FAT3: variants seen among roughly 807,000 people sequenced by gnomAD.
FAT3 encodes FAT atypical cadherin 3, also known as protocadherin Fat 3.
Under a neutral mutation model 310.2 loss-of-function variants are expected in FAT3, and 95 were observed. The observed-to-expected ratio is 0.31, with a 90% confidence interval of 0.26 to 0.36. The LOEUF is 0.36. FAT3 is among the 10% of genes least tolerant of loss of function. The pLI, the probability that FAT3 is intolerant of heterozygous loss-of-function variation, is 1.00. For missense variants in FAT3, 5,408 were observed against 5,715.6 expected (o/e 0.95, Z 1.74); for synonymous variants, 2,314 against 2,192.9 (o/e 1.06, Z -1.54).
intron 13 of FAT3, among the ~76,000 whole-genome samples, chr11:92,820,044 G>A (rs1268516942): frequency 6.6e-6 from 1 of 152,210 alleles, no homozygotes; most frequent in East Asian, 1.9e-4. Context: ...TATAGCAGAA[G>A]TGATGATATC....
At chr11:92,509,530 CAT>C (rs1415953243) in intron 2 of FAT3, among the ~76,000 whole-genome samples, 2 of 152,128 alleles carry the variant, frequency 1.3e-5, no homozygotes, top group African/African-American at 2.4e-5. Context: ...TTGAGCACCT[CAT>C]GTGTGTGTGC....
chr11:92,542,738 A>T (rs1954491682), intron 3 of FAT3, among the ~76,000 whole-genome samples: 1 of 152,132 alleles, frequency 6.6e-6, no homozygotes, highest in Non-Finnish European at 1.5e-5. Context: ...TGAGAATATA[A>T]ATTATTATAG....
intron 3 of FAT3, among the ~76,000 whole-genome samples, chr11:92,628,349 A>G (rs1439803235): frequency 6.6e-6 from 1 of 152,174 alleles, no homozygotes; most frequent in Non-Finnish European, 1.5e-5. Flanking sequence ...TATCTGGTTT[A>G]TTAAGTTTAG....
chr11:92,878,612 A>G (rs7120026), intron 22 of FAT3, among the ~76,000 whole-genome samples: 72 of 140,320 alleles, frequency 5.1e-4, no homozygotes, highest in Admixed American at 8.8e-4. Context: ...TAACCACAAC[A>G]CAGGAGCAGG....
At chr11:92,706,818 A>G (rs1944368811) in intron 4 of FAT3, among the ~76,000 whole-genome samples, 1 of 152,228 alleles carries the variant, frequency 6.6e-6, no homozygotes, top group Non-Finnish European at 1.5e-5. Context: ...AAATGAGCCT[A>G]TGGCTGAGTC....
Position 92,801,190 on chromosome 11 carries a change from C to T in FAT3, c.8177C>T (p.Thr2726Ile), listed in dbSNP as rs750413527. The T allele has an allele frequency of 1.2e-6, 2 of 1,613,826 alleles. No individual in the cohort carries two copies. The highest frequency in any genetic ancestry group is 8.5e-7 in the Non-Finnish European group (1 of 1,179,864). ...GCAGAAGATACAGCCATTGGGAGTA[C>T]AGTGGACACCCTGAGGATTTTGCCC... Reference protein sequence around the residue: ...TIAEDTAIGSTVDTLRILPSQ... With the variant: ...TIAEDTAIGSIVDTLRILPSQ... Residue 2726 changes from threonine to isoleucine, a missense_variant, in exon 10 of 28, where the codon ACA (threonine) becomes ATA (isoleucine). By Grantham distance (89) the Thr-to-Ile change is moderately conservative (BLOSUM62 -1). Coordinates refer to ENST00000525166, the MANE Select transcript of FAT3 (RefSeq NM_001367949.2).
At chr11:92,381,161 T>A (rs186411837) in intron 2 of FAT3, among the ~76,000 whole-genome samples, 5 of 152,318 alleles carry the variant, frequency 3.3e-5, no homozygotes, top group African/African-American at 1.2e-4. Flanking sequence ...TTTATCCAGA[T>A]GTTAAAAGAG....
chr11:92,882,634 G>T, intron 23 of FAT3, 104 bp from the exon 24 acceptor site: 2 of 902,006 alleles, frequency 2.2e-6, no homozygotes, highest in Non-Finnish European at 3.1e-6. Context: ...TACCCTTTAG[G>T]TGCATCGTTT....
intron 8 of FAT3, 50 bp downstream of exon 8, chr11:92,790,268 GGCCACACACATTA>G: frequency 1.3e-6 from 2 of 1,581,884 alleles, no homozygotes; most frequent in South Asian, 2.3e-5. Context: ...TGACTGTTCA[GGCCACACACATTA>G]GCCTTCAGAA....
intron 2 of FAT3, among the ~76,000 whole-genome samples, chr11:92,433,275 G>C (rs571692718): frequency 6.6e-6 from 1 of 152,092 alleles, no homozygotes; most frequent in South Asian, 2.1e-4. Flanking sequence ...AGGCACCACT[G>C]GGGTATGAAA....
At chr11:92,302,319 T>C (rs1427686599) in intron 1 of FAT3, among the ~76,000 whole-genome samples, 1 of 152,094 alleles carries the variant, frequency 6.6e-6, no homozygotes, top group African/African-American at 2.4e-5. Context: ...GCTTTTTTTT[T>C]CTGTAACATG....
At chr11:92,684,244 C>G (rs1476726589) in intron 3 of FAT3, among the ~76,000 whole-genome samples, 7 of 152,116 alleles carry the variant, frequency 4.6e-5, no homozygotes, top group Non-Finnish European at 8.8e-5. Context: ...AACCCTTAGT[C>G]CCAAAGAAAG....
At chr11:92,652,932 G>A (rs532540140) in intron 3 of FAT3, among the ~76,000 whole-genome samples, 1 of 152,248 alleles carries the variant, frequency 6.6e-6, no homozygotes, top group Admixed American at 6.5e-5. Flanking sequence ...GGAAGCCGAG[G>A]CGGGTAGATC....
intron 1 of FAT3, among the ~76,000 whole-genome samples, chr11:92,333,114 C>G (rs1156709603): frequency 6.6e-6 from 1 of 152,094 alleles, no homozygotes; most frequent in Non-Finnish European, 1.5e-5. Flanking sequence ...TGTATAAAAA[C>G]TGGACAGCAA....
At chr11:92,546,945 G>A (rs567057872) in intron 3 of FAT3, among the ~76,000 whole-genome samples, 33 of 152,230 alleles carry the variant, frequency 2.2e-4, no homozygotes, top group African/African-American at 6.7e-4. Context: ...TTCACAAAAC[G>A]AATTCAATTA....
At chr11:92,682,666 A>C (rs1187962929) in intron 3 of FAT3, among the ~76,000 whole-genome samples, 1 of 152,210 alleles carries the variant, frequency 6.6e-6, no homozygotes, top group Non-Finnish European at 1.5e-5. Context: ...TTTCTTGGGA[A>C]GTAGTACTGA....
intron 1 of FAT3, among the ~76,000 whole-genome samples, chr11:92,257,908 G>A (rs577447919): frequency 2.7e-4 from 41 of 152,152 alleles, no homozygotes; most frequent in South Asian, 6.2e-4. Context: ...GGTCAAAAGC[G>A]TGCATTATGC....
rs372331075 is a variant in FAT3 at position 92,800,894 on chromosome 11, C to T, written c.7881C>T (p.Pro2627=). The T allele has an allele frequency of 1.6e-4, 263 of 1,613,136 alleles. 1 individual carries two copies. Among genetic ancestry groups the T allele is most frequent in the Middle Eastern group, 3.3e-4 (2 of 6,060 alleles). ...TCACTCAAGTTCAAGCCATAGATCC[C>T]GATGATGGAGCAAATTCAAGGATTA... ...HLVTQVQAID[P]DDGANSRITY... The change falls in exon 10 of 28, where the codon CCC becomes CCT. Residue 2627 remains proline, a synonymous_variant. Coordinates refer to ENST00000525166, the MANE Select transcript of FAT3 (RefSeq NM_001367949.2).
chr11:92,561,475 C>A (rs558533), intron 3 of FAT3, among the ~76,000 whole-genome samples: 19,988 of 152,054 alleles, frequency 0.13, 1,434 homozygotes, highest in East Asian at 0.29. Flanking sequence ...TATTTCTTTA[C>A]ATATAGGACT....
Sources: gnomAD v4.1 joint callset for allele counts (sites outside exome capture counted in the v4.1 genomes callset) on GRCh38, gnomAD v4.1.1 for gene constraint, MANE v1.5 for transcripts, NCBI Gene and HGNC (gene_info 2026-07-23, HGNC 2026-07-21) for gene names.